Variants in CSGALNACT1 observed in about 807,000 individuals in gnomAD.
The protein encoded by CSGALNACT1 is chondroitin sulfate N-acetylgalactosaminyltransferase 1, also known as beta4GalNAcT-1.
A neutral mutation model predicts 51.0 loss-of-function variants in CSGALNACT1; 52 were observed. The ratio of observed to expected loss-of-function variants is 1.02; its 90% confidence interval spans 0.82 to 1.29. The LOEUF is 1.29. Ranked by LOEUF, CSGALNACT1 falls within the 50% of genes most tolerant of loss-of-function variation. CSGALNACT1 has a pLI of 0.00. For missense variants in CSGALNACT1, 935 were observed against 679.2 expected, an observed-to-expected ratio of 1.38 and a Z score of -4.19; for synonymous variants, 341 against 254.4, an observed-to-expected ratio of 1.34 and a Z score of -3.24.
chr8:19,533,059 TTTC>T (rs2154057744), intron 3 of CSGALNACT1, among the ~76,000 whole-genome samples: 1 of 152,316 alleles, frequency 6.6e-6, no homozygotes, highest in African/African-American at 2.4e-5. Flanking sequence ...TCATGAAGCT[TTTC>T]TTTTCTACTG....
At chr8:19,756,050 T>C (rs1273010588) in intron 1 of CSGALNACT1, among the ~76,000 whole-genome samples, 1 of 152,198 alleles carries the variant, frequency 6.6e-6, no homozygotes, top group Non-Finnish European at 1.5e-5. Context: ...AAATTCATCT[T>C]GCCTTTCTGC....
intron 3 of CSGALNACT1, among the ~76,000 whole-genome samples, chr8:19,536,435 T>A (rs775941640): frequency 6.6e-6 from 1 of 152,042 alleles, no homozygotes; most frequent in Non-Finnish European, 1.5e-5. Context: ...CTAAAAAAAA[T>A]TTAAATACTT....
chr8:19,625,879 A>G (rs1450146236), intron 1 of CSGALNACT1, among the ~76,000 whole-genome samples: 2 of 152,198 alleles, frequency 1.3e-5, no homozygotes, highest in Non-Finnish European at 2.9e-5. Flanking sequence ...TCCCCAAAAA[A>G]AGTCTACATT....
intron 3 of CSGALNACT1, among the ~76,000 whole-genome samples, chr8:19,516,727 C>T (rs2079595574): frequency 6.6e-6 from 1 of 152,206 alleles, no homozygotes; most frequent in African/African-American, 2.4e-5. Flanking sequence ...CTCCACAGAC[C>T]AGGCTCTGGG....
intron 1 of CSGALNACT1, among the ~76,000 whole-genome samples, chr8:19,692,607 C>T (rs1360236052): frequency 6.6e-6 from 1 of 152,210 alleles, no homozygotes; most frequent in Non-Finnish European, 1.5e-5. Flanking sequence ...ACTCACATGG[C>T]TGTTGCTTCT....
chr8:19,628,711 G>A (rs1171236681), intron 1 of CSGALNACT1, among the ~76,000 whole-genome samples: 2 of 151,804 alleles, frequency 1.3e-5, no homozygotes, highest in Non-Finnish European at 2.9e-5. Flanking sequence ...TGAACTCCTG[G>A]CTCAAGCAAT....
chr8:19,426,480 T>A (rs2058792880), intron 6 of CSGALNACT1, among the ~76,000 whole-genome samples: 1 of 152,194 alleles, frequency 6.6e-6, no homozygotes, highest in Admixed American at 6.5e-5. Context: ...CCTAAAGCAA[T>A]GGCAAAGAAA....
intron 1 of CSGALNACT1, among the ~76,000 whole-genome samples, chr8:19,752,140 TG>T (rs1333991806): frequency 1.2e-4 from 7 of 57,404 alleles, no homozygotes; most frequent in South Asian, 4.3e-4. Flanking sequence ...ATATATTATA[TG>T]ATATTATATG....
intron 4 of CSGALNACT1, among the ~76,000 whole-genome samples, chr8:19,461,516 G>A (rs111312975): frequency 5.5e-4 from 43 of 78,038 alleles, no homozygotes; most frequent in South Asian, 9.0e-4. Flanking sequence ...TTCACCATGG[G>A]GGGCGTATCC....
intron 8 of CSGALNACT1, among the ~76,000 whole-genome samples, chr8:19,414,204 A>G (rs540646842): frequency 1.3e-5 from 2 of 152,328 alleles, no homozygotes; most frequent in East Asian, 3.9e-4. Flanking sequence ...TTACCAGCAC[A>G]TCTCTGGCTC....
chr8:19,613,884 CCA>C (rs2052637173), intron 1 of CSGALNACT1, among the ~76,000 whole-genome samples: 1 of 152,174 alleles, frequency 6.6e-6, no homozygotes, highest in South Asian at 2.1e-4. Flanking sequence ...CACTTGTATA[CCA>C]GTGTCCATCC....
chr8:19,577,795 T>C (rs1404046195), intron 3 of CSGALNACT1, among the ~76,000 whole-genome samples: 2 of 152,162 alleles, frequency 1.3e-5, no homozygotes, highest in Non-Finnish European at 2.9e-5. Context: ...GTTAATACTG[T>C]GTCTTTAACT....
At chr8:19,753,160 T>C (rs2154254379) in intron 1 of CSGALNACT1, among the ~76,000 whole-genome samples, 1 of 152,318 alleles carries the variant, frequency 6.6e-6, no homozygotes, top group Middle Eastern at 3.4e-3. Context: ...GCCAAACTCT[T>C]GCAGTTCTGG....
At chr8:19,538,004 C>G (rs1343117711) in intron 3 of CSGALNACT1, among the ~76,000 whole-genome samples, 2 of 152,126 alleles carry the variant, frequency 1.3e-5, no homozygotes, top group East Asian at 3.8e-4. Flanking sequence ...AAAGGACTAG[C>G]ACCAACCTTT....
chr8:19,406,077 G>A lies in CSGALNACT1; in HGVS notation c.1310-8C>T, dbSNP rs1188173297. ...TGTCCAGATCAAACCCACCTGTCGG[G>A]ACAGAACACACTGTTGAATCACACT... On this transcript the variant is annotated splice_polypyrimidine_tract_variant and splice_region_variant and intron_variant, in intron 9 of 9. Coordinates refer to ENST00000454498, the Ensembl canonical transcript of CSGALNACT1. 1 of 1,613,916 alleles carries A rather than the reference G, an allele frequency of 6.2e-7. No homozygotes were observed. Among genetic ancestry groups the A allele is most frequent in the African/African-American group, 1.3e-5 (1 of 74,908 alleles).
chr8:19,508,905 T>A (rs1455825799), intron 3 of CSGALNACT1, among the ~76,000 whole-genome samples: 1 of 152,238 alleles, frequency 6.6e-6, no homozygotes, highest in Admixed American at 6.5e-5. Flanking sequence ...TCTATAATTT[T>A]CTTCAAGATC....
At chr8:19,747,493 A>G (rs1308417119) in intron 1 of CSGALNACT1, among the ~76,000 whole-genome samples, 1 of 152,188 alleles carries the variant, frequency 6.6e-6, no homozygotes, top group Non-Finnish European at 1.5e-5. Context: ...AACCCTCAGG[A>G]TTTTTAGTTA....
At chr8:19,709,909 A>T (rs923764) in intron 1 of CSGALNACT1, among the ~76,000 whole-genome samples, 36,331 of 152,016 alleles carry the variant, frequency 0.24, 4,471 homozygotes, top group Middle Eastern at 0.34. Flanking sequence ...GCCCCTACAG[A>T]ACATTTGCTC....
chr8:19,635,370 C>G (rs558960044), intron 1 of CSGALNACT1, among the ~76,000 whole-genome samples: 2 of 152,210 alleles, frequency 1.3e-5, no homozygotes, highest in African/African-American at 2.4e-5. Flanking sequence ...GTGTGTTGCC[C>G]TCACTTTAGA....
Sources: gnomAD v4.1 joint callset for allele counts (sites outside exome capture counted in the v4.1 genomes callset) on GRCh38, gnomAD v4.1.1 for gene constraint, MANE v1.5 for transcripts, NCBI Gene and HGNC (gene_info 2026-07-23, HGNC 2026-07-21) for gene names.